The following CCDC3 variants were observed in gnomAD, a reference collection of about 807,000 sequenced individuals.
CCDC3 encodes the protein coiled-coil domain containing 3.
Under a neutral mutation model 21.4 loss-of-function variants are expected in CCDC3, and 24 were observed. That is an observed-to-expected ratio of 1.12 (90% CI 0.81 to 1.58). The LOEUF (loss-of-function observed/expected upper bound fraction) is 1.58, where lower values mean the gene tolerates loss of function less well. CCDC3 is among the 40% of genes most tolerant of loss of function. The pLI, the probability that CCDC3 is intolerant of heterozygous loss-of-function variation, is 0.00. For missense variants in CCDC3, 425 were observed against 360.9 expected, an observed-to-expected ratio of 1.18 and a Z score of -1.44; for synonymous variants, 186 against 166.0, an observed-to-expected ratio of 1.12 and a Z score of -0.93.
intron 5 of CCDC3, among the ~76,000 whole-genome samples, chr10:13,046,966 G>T (rs929683873): frequency 2.0e-5 from 3 of 149,462 alleles, no homozygotes; most frequent in African/African-American, 7.4e-5. Context: ...AAAAAAAGAA[G>T]AAGCCAATCC....
upstream of CCDC3, among the ~76,000 whole-genome samples, chr10:13,005,510 C>A (rs970904634): frequency 2.0e-5 from 3 of 152,178 alleles, no homozygotes; most frequent in Admixed American, 6.5e-5. Flanking sequence ...TACATAGTCA[C>A]CCAGCATACC....
intron 3 of CCDC3, among the ~76,000 whole-genome samples, chr10:13,093,337 A>AC (rs1037727888): frequency 1.4e-4 from 21 of 152,268 alleles, no homozygotes; most frequent in African/African-American, 5.1e-4. Flanking sequence ...CTTATTCACT[A>AC]CCATGAGAAC....
Position 12,943,732 on chromosome 10 carries a change from C to T in CCDC3, c.550-45053G>A, listed in dbSNP as rs143995971. On this transcript the variant is annotated intron_variant, in intron 2 of 2. Transcript: ENST00000378825. ...TGGGCCCTATGTAAATCAGACACCG[C>T]CTCCCCAAGCTTGTCTATAAAACTC... 2.1e-3 allele frequency among the ~76,000 whole-genome samples: 317 copies of T among 152,308 alleles called. 2 individuals are homozygous for T. The highest frequency in any genetic ancestry group is 7.3e-3 in the African/African-American group (304 of 41,564).
chr10:13,067,355 T>G (rs1243480425), intron 4 of CCDC3, among the ~76,000 whole-genome samples: 1 of 152,024 alleles, frequency 6.6e-6, no homozygotes, highest in Non-Finnish European at 1.5e-5. Context: ...TTTTTCCTTT[T>G]CTCTACCCTG....
chr10:13,091,312 G>A (rs1028651945), intron 3 of CCDC3, among the ~76,000 whole-genome samples: 3 of 152,090 alleles, frequency 2.0e-5, no homozygotes. Context: ...AAGCCTTTTG[G>A]GGGGTGATTA....
intron 5 of CCDC3, among the ~76,000 whole-genome samples, chr10:13,032,125 T>A (rs1836313026): frequency 6.6e-6 from 1 of 151,902 alleles, no homozygotes; most frequent in Non-Finnish European, 1.5e-5. Context: ...CAGCAGCACA[T>A]CAAAAAGCTT....
intron 3 of CCDC3, among the ~76,000 whole-genome samples, chr10:13,077,075 T>A (rs972652067): frequency 6.6e-6 from 1 of 152,246 alleles, no homozygotes; most frequent in African/African-American, 2.4e-5. Context: ...AAATTGTCCC[T>A]ATTTGCACAT....
chr10:12,914,721 G>C (rs185701333), intron 2 of CCDC3, among the ~76,000 whole-genome samples: 2 of 152,070 alleles, frequency 1.3e-5, no homozygotes, highest in Non-Finnish European at 2.9e-5. Flanking sequence ...TGGGATTACA[G>C]GTGTGCGTGA....
At chr10:13,006,350 A>ATAC (rs1398400172), upstream of CCDC3, among the ~76,000 whole-genome samples, 3 of 152,228 alleles carry the variant, frequency 2.0e-5, no homozygotes, top group Non-Finnish European at 4.4e-5. Flanking sequence ...TCCAGGAAAG[A>ATAC]TACTACATCT....
At chr10:12,968,313 C>A (rs1564302396) in intron 2 of CCDC3, among the ~76,000 whole-genome samples, 1 of 151,680 alleles carries the variant, frequency 6.6e-6, no homozygotes, top group Non-Finnish European at 1.5e-5. Flanking sequence ...CAGTAGAAAC[C>A]TAAGCCGTGA....
intron 1 of CCDC3, 84 bp from the exon 2 acceptor site, chr10:12,998,596 C>A: frequency 7.8e-7 from 1 of 1,289,782 alleles, no homozygotes; most frequent in South Asian, 1.4e-5. Flanking sequence ...ACAACTGCAA[C>A]GGGCTTGCCA....
intron 2 of CCDC3, among the ~76,000 whole-genome samples, chr10:12,905,887 C>G (rs1338252481): frequency 6.6e-6 from 1 of 152,166 alleles, no homozygotes; most frequent in African/African-American, 2.4e-5. Flanking sequence ...TTACATGGCG[C>G]TGTGTTTTCT....
rs71386135 is a variant in CCDC3 at position 12,982,121 on chromosome 10, C to CAAAAAAA, written c.549+16210_549+16216dup. On this transcript the variant is annotated intron_variant, in intron 2 of 2. Transcript: ENST00000378825. ...TGGGAGACAGAGAGAGACTCTGTCT[C>CAAAAAAA]AAAAAAAAAAAAAAAAAAAAAAAAA... is the stretch of plus-strand genomic sequence containing the variant. 1.2e-3 allele frequency among the ~76,000 whole-genome samples: 41 copies of CAAAAAAA among 33,260 alleles called. 3 individuals are homozygous for CAAAAAAA. The highest frequency in any genetic ancestry group is 5.0e-3 in the African/African-American group (37 of 7,426). 21.8% of individuals were successfully genotyped at this position (33,260 alleles called of 152,430 possible).
chr10:12,960,127 C>T (rs1733524247), intron 2 of CCDC3, among the ~76,000 whole-genome samples: 1 of 150,920 alleles, frequency 6.6e-6, no homozygotes, highest in African/African-American at 2.4e-5. Flanking sequence ...GCATTCCAGC[C>T]TGGGCCACAG....
chr10:12,975,424 G>GT (rs1368458735), intron 2 of CCDC3, among the ~76,000 whole-genome samples: 1 of 152,154 alleles, frequency 6.6e-6, no homozygotes, highest in Non-Finnish European at 1.5e-5. Context: ...TTAGAAAGGA[G>GT]TAAGAACAAG....
At chr10:13,006,902 C>T (rs497558) in intron 5 of CCDC3, among the ~76,000 whole-genome samples, 151,844 of 152,320 alleles carry the variant, frequency 1, 75,691 homozygotes, top group East Asian at 1. Flanking sequence ...GGCACTACAC[C>T]CACAGGTTGC....
intron 2 of CCDC3, among the ~76,000 whole-genome samples, chr10:12,946,123 G>A (rs1834913506): frequency 6.6e-6 from 1 of 152,090 alleles, no homozygotes; most frequent in Non-Finnish European, 1.5e-5. Flanking sequence ...GCCCCAAATG[G>A]CCTCACTCCA....
intron 3 of CCDC3, among the ~76,000 whole-genome samples, chr10:13,086,761 T>C (rs1003022700): frequency 6.6e-6 from 1 of 152,190 alleles, no homozygotes; most frequent in Non-Finnish European, 1.5e-5. Context: ...AAAAGGTTTC[T>C]ACGATGAGTT....
chr10:12,989,444 C>A, intron 2 of CCDC3, among the ~76,000 whole-genome samples: 1 of 152,170 alleles, frequency 6.6e-6, no homozygotes, highest in East Asian at 1.9e-4. Context: ...CTTATTTAGA[C>A]AAAGTCTCTC....
Sources: gnomAD v4.1 joint callset for allele counts (sites outside exome capture counted in the v4.1 genomes callset) on GRCh38, gnomAD v4.1.1 for gene constraint, MANE v1.5 for transcripts, NCBI Gene and HGNC (gene_info 2026-07-23, HGNC 2026-07-21) for gene names.